The following EVI5 variants were observed in gnomAD, a reference collection of about 807,000 sequenced individuals.
EVI5 encodes ecotropic viral integration site 5.
A neutral mutation model predicts 112.0 loss-of-function variants in EVI5; 73 were observed. The observed-to-expected ratio is 0.65, with a 90% CI of 0.54 to 0.79. The LOEUF is 0.79. Ranked by LOEUF, EVI5 falls within the 30% of genes least tolerant of loss-of-function variation. The pLI, the probability that EVI5 is intolerant of heterozygous loss-of-function variation, is 0.00. For missense variants in EVI5, 900 were observed against 968.8 expected (o/e 0.93, Z 0.94); for synonymous variants, 305 against 319.9 (o/e 0.95, Z 0.50).
At chr1:92,724,904 G>A (rs1675327523) in intron 2 of EVI5, among the ~76,000 whole-genome samples, 1 of 152,152 alleles carries the variant, frequency 6.6e-6, no homozygotes, top group Admixed American at 6.5e-5. Context: ...AGTAAACTCT[G>A]TGACTGCCAT....
chr1:92,550,398 T>C (rs1292085903), intron 19 of EVI5, among the ~76,000 whole-genome samples: 2 of 149,536 alleles, frequency 1.3e-5, no homozygotes, highest in Non-Finnish European at 3.0e-5. Context: ...CTAATGTAAA[T>C]GAGGAGTTAA....
upstream of EVI5, among the ~76,000 whole-genome samples, chr1:92,787,977 G>GAC (rs55986911): frequency 0.91 from 138,386 of 151,980 alleles, 63,080 homozygotes; most frequent in South Asian, 0.97. Flanking sequence ...TTCTAGAAAA[G>GAC]AAAATTAATC....
chr1:92,630,100 C>CTA (rs1246168412), intron 14 of EVI5, among the ~76,000 whole-genome samples: 10 of 152,168 alleles, frequency 6.6e-5, no homozygotes, highest in Admixed American at 1.3e-4. Context: ...CAAGTCTTTG[C>CTA]TATTGTGAAT....
intron 10 of EVI5, among the ~76,000 whole-genome samples, chr1:92,671,659 T>G (rs1280039035): frequency 2.0e-5 from 3 of 152,138 alleles, no homozygotes; most frequent in Admixed American, 2.0e-4. Context: ...CCATCTCAGG[T>G]AATGGGAACA....
At chr1:92,709,543 T>A (rs886124852) in intron 2 of EVI5, among the ~76,000 whole-genome samples, 13 of 152,194 alleles carry the variant, frequency 8.5e-5, no homozygotes, top group Non-Finnish European at 1.3e-4. Flanking sequence ...CATGACTTCA[T>A]ATTTGCCTTT....
chr1:92,741,177 C>T (rs1021135133), intron 1 of EVI5, among the ~76,000 whole-genome samples: 4 of 152,158 alleles, frequency 2.6e-5, no homozygotes, highest in Non-Finnish European at 5.9e-5. Flanking sequence ...GAAATGATGA[C>T]ACAAAAATGC....
chr1:92,753,707 A>G (rs991395863), intron 1 of EVI5, among the ~76,000 whole-genome samples: 6 of 152,160 alleles, frequency 3.9e-5, no homozygotes, highest in Non-Finnish European at 5.9e-5. Flanking sequence ...AAAAGTACCA[A>G]ATGTGTGACT....
chr1:92,628,519 G>C (rs1656189404), intron 14 of EVI5, among the ~76,000 whole-genome samples: 1 of 152,158 alleles, frequency 6.6e-6, no homozygotes, highest in Admixed American at 6.5e-5. Context: ...CGTGAGAGAA[G>C]AGGATCCAGT....
At chr1:92,761,427 C>CA in intron 1 of EVI5, among the ~76,000 whole-genome samples, 1 of 152,192 alleles carries the variant, frequency 6.6e-6, no homozygotes, top group South Asian at 2.1e-4. Flanking sequence ...AGCAATATAT[C>CA]AAACTGAGAA....
chr1:92,633,319 T>C (rs1018915707), intron 14 of EVI5, among the ~76,000 whole-genome samples: 8 of 152,240 alleles, frequency 5.3e-5, no homozygotes, highest in African/African-American at 1.9e-4. Context: ...AGTCTCTTTG[T>C]AGCTCTCTAA....
chr1:92,694,434 T>C (rs763451388), intron 7 of EVI5, 46 bp from the exon 8 acceptor site: 1 of 1,127,652 alleles, frequency 8.9e-7, no homozygotes, highest in Non-Finnish European at 1.3e-6. Flanking sequence ...TACTCTTCCA[T>C]CAACAAAAAC....
At chr1:92,700,164 G>A (rs1483001880) in intron 5 of EVI5, among the ~76,000 whole-genome samples, 1 of 152,154 alleles carries the variant, frequency 6.6e-6, no homozygotes, top group African/African-American at 2.4e-5. Context: ...CAAGACACTT[G>A]AGTCCTAGAG....
In EVI5 at chr1:92,569,852, CAAAAAAAAAAA is replaced by C. The variant is rs1184172805; in HGVS notation, c.2071-6126_2071-6116del. ...CTGGCGATGGAGGGAGACTCCATCTCAAAAAAAAAAAAAAAAAAAAAAAAAGAAATATTTCA... is the reference window on the plus strand; with the variant it reads ...CTGGCGATGGAGGGAGACTCCATCTCAAAAAAAAAAAAAAGAAATATTTCA... On this transcript the variant is annotated intron_variant, in intron 18 of 19. Transcript: ENST00000684568. Among the ~76,000 whole-genome samples, 80 of 39,508 alleles carry C rather than the reference CAAAAAAAAAAA, an allele frequency of 2.0e-3. 1 individual carries two copies. The highest frequency in any genetic ancestry group is 8.6e-3 in the African/African-American group (79 of 9,220). The allele number at this position is 39,508 out of a possible 152,430, so 25.9% of individuals were successfully genotyped here. A position where few individuals can be genotyped will look rare whatever the true frequency, so the allele number is the denominator to read the frequency against.
chr1:92,781,954 CAAAAAA>C (rs36036236), intron 1 of EVI5, among the ~76,000 whole-genome samples: 1 of 47,034 alleles, frequency 2.1e-5, no homozygotes, highest in Non-Finnish European at 3.5e-5. Context: ...GATTCTGTCT[CAAAAAA>C]AAAAAAAAAA....
At chr1:92,785,114 G>A (rs933236737), upstream of EVI5, 16 of 985,260 alleles carry the variant, frequency 1.6e-5, no homozygotes, top group South Asian at 4.7e-5. Flanking sequence ...AGCCCAAGGC[G>A]CAGGCGCGGG....
intron 1 of EVI5, among the ~76,000 whole-genome samples, chr1:92,747,190 A>G (rs1278668086): frequency 1.3e-5 from 2 of 152,172 alleles, no homozygotes; most frequent in Non-Finnish European, 2.9e-5. Flanking sequence ...CAGCATTTAC[A>G]TTGTATTAGG....
chr1:92,519,747 T>C (rs755403634), intron 19 of EVI5, among the ~76,000 whole-genome samples: 58 of 151,434 alleles, frequency 3.8e-4, no homozygotes, highest in Non-Finnish European at 7.4e-4. Flanking sequence ...AATACAAAAA[T>C]TAGTTGGGTG....
chr1:92,788,049 T>C (rs960897611), upstream of EVI5, among the ~76,000 whole-genome samples: 5 of 152,124 alleles, frequency 3.3e-5, no homozygotes, highest in African/African-American at 9.7e-5. Flanking sequence ...GGATGGTACA[T>C]GAGTGAAATT....
chr1:92,694,333 T>C lies in EVI5; in HGVS notation c.965A>G (p.Glu322Gly). ...CCCTTCCATGTCAAGTTGCATCAGT[T>C]CTGCCTGATTCATCTGAAGAAGTGC... ...GLALLQMNQA[E>G]LMQLDMEGML... The change falls in exon 8 of 20, where the codon GAA (glutamate) becomes GGA (glycine). Residue 322 changes from glutamate to glycine, a missense_variant. Physicochemically the swap from Glu to Gly is moderately conservative, Grantham distance 98. Coordinates refer to ENST00000684568, the MANE Select transcript of EVI5 (RefSeq NM_001350197.2). The C allele has an allele frequency of 1.2e-6, 2 of 1,605,512 alleles. No individual in the cohort carries two copies. Among genetic ancestry groups the C allele is most frequent in the Admixed American group, 1.7e-5 (1 of 59,560 alleles).
Sources: gnomAD v4.1 joint callset for allele counts (sites outside exome capture counted in the v4.1 genomes callset) on GRCh38, gnomAD v4.1.1 for gene constraint, MANE v1.5 for transcripts, NCBI Gene and HGNC (gene_info 2026-07-23, HGNC 2026-07-21) for gene names.